Variants in CACHD1 observed in about 807,000 individuals in gnomAD.
CACHD1 encodes VWFA and cache domain-containing protein 1.
A neutral mutation model predicts 138.7 loss-of-function variants in CACHD1; 71 were observed. That is an observed-to-expected ratio of 0.51 (90% CI 0.42 to 0.62). The LOEUF (loss-of-function observed/expected upper bound fraction) is 0.62. Among genes scored for constraint, CACHD1 ranks in the 20% least tolerant of loss-of-function variants. The pLI is 0.00. For missense variants in CACHD1, 1,389 were observed against 1,625.3 expected, an observed-to-expected ratio of 0.85 and a Z score of 2.50; for synonymous variants, 578 against 591.5, an observed-to-expected ratio of 0.98 and a Z score of 0.33.
chr1:64,486,387 C>CACAT (rs1553126362), intron 1 of CACHD1, among the ~76,000 whole-genome samples: 2 of 150,890 alleles, frequency 1.3e-5, no homozygotes, highest in African/African-American at 4.9e-5. Context: ...CACACACACA[C>CACAT]ACACATACAC....
intron 15 of CACHD1, among the ~76,000 whole-genome samples, chr1:64,665,245 A>C (rs1649591737): frequency 6.6e-6 from 1 of 151,988 alleles, no homozygotes; most frequent in Non-Finnish European, 1.5e-5. Flanking sequence ...GCTCGAGCCT[A>C]GGAGTTCAAG....
chr1:64,578,965 G>A (rs1463362342), intron 2 of CACHD1, among the ~76,000 whole-genome samples: 6 of 152,154 alleles, frequency 3.9e-5, no homozygotes, highest in African/African-American at 1.2e-4. Context: ...TAAAGAATTT[G>A]TAGGAAATTT....
At chr1:64,523,465 A>G (rs1467038440) in intron 1 of CACHD1, among the ~76,000 whole-genome samples, 1 of 152,168 alleles carries the variant, frequency 6.6e-6, no homozygotes, top group Non-Finnish European at 1.5e-5. Context: ...AGTCTTTCTG[A>G]GTTTGGATGC....
At chr1:64,581,691 G>A (rs1416931302) in intron 2 of CACHD1, among the ~76,000 whole-genome samples, 1 of 152,202 alleles carries the variant, frequency 6.6e-6, no homozygotes, top group East Asian at 1.9e-4. Context: ...TGTAGCAGGA[G>A]ACACTGAATG....
In CACHD1 at chr1:64,651,714, C is replaced by T. The variant is rs543012794; in HGVS notation, c.1391-447C>T. On this transcript the variant is annotated intron_variant, in intron 9 of 26. Coordinates refer to ENST00000651257, the MANE Select transcript of CACHD1 (RefSeq NM_020925.4). ...GAACCAAGGCTCAGAGTAGTTATAT[C>T]CATTGTCACCTGTACAATACAAAAG... is the stretch of plus-strand genomic sequence containing the variant. Among the ~76,000 whole-genome samples the T allele has an allele frequency of 7.9e-5, 12 of 152,288 alleles. No homozygotes were observed. The South Asian group carries it at 2.3e-3, about 29-fold the overall frequency.
rs569139548 is a variant in CACHD1, at chr1:64,531,537, AG to A, written c.199-19053del. 5.8e-3 allele frequency among the ~76,000 whole-genome samples: 846 copies of A among 146,644 alleles called. 1 individual carries two copies. The highest frequency in any genetic ancestry group is 0.017 in the Middle Eastern group (5 of 290). On this transcript the variant is annotated intron_variant, in intron 1 of 26. Coordinates refer to ENST00000651257, the MANE Select transcript of CACHD1 (RefSeq NM_020925.4). ...TGTGTGTGTGTGTGTGTGTCTGTGT[AG>A]GGGTGGGAGGAGAAGGAGAACCAGA...
intron 3 of CACHD1, among the ~76,000 whole-genome samples, chr1:64,590,770 C>T (rs1647093538): frequency 6.6e-6 from 1 of 152,092 alleles, no homozygotes; most frequent in African/African-American, 2.4e-5. Flanking sequence ...ATTTTATTTG[C>T]AGCTACTATG....
chr1:64,564,132 A>G (rs1455182790), intron 2 of CACHD1, among the ~76,000 whole-genome samples: 2 of 152,134 alleles, frequency 1.3e-5, no homozygotes, highest in Non-Finnish European at 2.9e-5. Flanking sequence ...AGCTCCTCTT[A>G]TCTGTCTAAA....
chr1:64,642,324 A>G (rs1470242124), intron 8 of CACHD1, among the ~76,000 whole-genome samples: 1 of 152,168 alleles, frequency 6.6e-6, no homozygotes. Context: ...CAGGAAGCCA[A>G]AGCACTGACC....
chr1:64,690,313 G>T (rs1650506032), intron 26 of CACHD1, among the ~76,000 whole-genome samples: 1 of 152,180 alleles, frequency 6.6e-6, no homozygotes, highest in African/African-American at 2.4e-5. Context: ...CTGCTTGGCT[G>T]CATGCAAGAA....
intron 1 of CACHD1, among the ~76,000 whole-genome samples, chr1:64,486,767 C>CA (rs2100287931): frequency 6.6e-6 from 1 of 152,284 alleles, no homozygotes; most frequent in African/African-American, 2.4e-5. Context: ...GCTGGGAGCA[C>CA]ACTGATGGAT....
At chr1:64,675,165 T>C (rs1229309174) in intron 19 of CACHD1, among the ~76,000 whole-genome samples, 1 of 152,234 alleles carries the variant, frequency 6.6e-6, no homozygotes, top group Non-Finnish European at 1.5e-5. Context: ...TAAGCACAGA[T>C]AAAAGAATTC....
intron 8 of CACHD1, among the ~76,000 whole-genome samples, chr1:64,644,035 C>G (rs189180837): frequency 6.6e-6 from 1 of 152,350 alleles, no homozygotes; most frequent in East Asian, 1.9e-4. Context: ...ATACTGTCCT[C>G]TCTCTCTTCT....
In CACHD1 at chr1:64,601,226, C is replaced by G. The variant is rs549585954; in HGVS notation, c.411-1580C>G. Among the ~76,000 whole-genome samples, 6 of 152,334 alleles carry G rather than the reference C, an allele frequency of 3.9e-5. No homozygotes were observed. In the South Asian group the frequency reaches 1.2e-3, roughly 32 times the overall value. On this transcript the variant is annotated intron_variant, in intron 3 of 26. Coordinates refer to ENST00000651257, the MANE Select transcript of CACHD1 (RefSeq NM_020925.4). Reference sequence around the variant, plus strand: ...GTCTTTATGGCCCACAAAGCCTAAACTATTATCTATCCTTTTATAAAAACA... The same window carrying G: ...GTCTTTATGGCCCACAAAGCCTAAAGTATTATCTATCCTTTTATAAAAACA...
chr1:64,568,812 A>G lies in CACHD1; in HGVS notation c.262-13344A>G, dbSNP rs896673746. Among the ~76,000 whole-genome samples, 11 of 152,258 alleles carry G rather than the reference A, an allele frequency of 7.2e-5. No individual in the cohort carries two copies. The South Asian group carries it at 2.3e-3, about 32-fold the overall frequency. On this transcript the variant is annotated intron_variant, in intron 2 of 26. Coordinates refer to ENST00000651257, the MANE Select transcript of CACHD1 (RefSeq NM_020925.4). ...CCCTGTGTATGCACATGTTTTATGT[A>G]TTGTATTAACCATGTACACACAAAA...
rs192805651 is a variant in CACHD1 at position 64,667,507 on chromosome 1, A to G, written c.2387+1340A>G. ...CTGTCAGCTTCTCCCATCATATAAGATTTCATATGCAAACAAGTAAACACT... is the reference window on the plus strand; with the variant it reads ...CTGTCAGCTTCTCCCATCATATAAGGTTTCATATGCAAACAAGTAAACACT... On this transcript the variant is annotated intron_variant, in intron 16 of 26. Coordinates refer to ENST00000651257, the MANE Select transcript of CACHD1 (RefSeq NM_020925.4). Among the ~76,000 whole-genome samples, 25 of 152,302 alleles carry G rather than the reference A, an allele frequency of 1.6e-4. No homozygotes were observed. In the East Asian group the frequency reaches 3.7e-3, roughly 22 times the overall value.
At chr1:64,593,188 A>G (rs1473125392) in intron 3 of CACHD1, among the ~76,000 whole-genome samples, 4 of 152,170 alleles carry the variant, frequency 2.6e-5, no homozygotes, top group South Asian at 2.1e-4. Flanking sequence ...TCATCCCACT[A>G]ATATTTTTAC....
At chr1:64,683,833 C>T (rs17126880) in intron 26 of CACHD1, among the ~76,000 whole-genome samples, 15,222 of 152,180 alleles carry the variant, frequency 0.1, 1,555 homozygotes, top group East Asian at 0.41. Flanking sequence ...TGAACCAGTA[C>T]GTGGGTCACT....
At chr1:64,584,384 T>C (rs1387010010) in intron 3 of CACHD1, among the ~76,000 whole-genome samples, 5 of 152,300 alleles carry the variant, frequency 3.3e-5, no homozygotes, top group Non-Finnish European at 7.3e-5. Flanking sequence ...CATAAATTCC[T>C]AAGTAGAACT....
Sources: gnomAD v4.1 joint callset for allele counts (sites outside exome capture counted in the v4.1 genomes callset) on GRCh38, gnomAD v4.1.1 for gene constraint, MANE v1.5 for transcripts, NCBI Gene and HGNC (gene_info 2026-07-23, HGNC 2026-07-21) for gene names.